The following JMJD1C variants were observed in gnomAD, a reference collection of about 807,000 sequenced individuals.
JMJD1C encodes the protein jumonji domain-containing protein 1C.
In JMJD1C, 31 loss-of-function variants were observed where a neutral mutation model predicts 245.3. The ratio of observed to expected loss-of-function variants is 0.13; its 90% CI spans 0.09 to 0.17. JMJD1C has a LOEUF of 0.17. Ranked by LOEUF, JMJD1C falls within the 10% of genes least tolerant of loss-of-function variation. The probability of loss-of-function intolerance (pLI) is 1.00; values close to 1 mark genes in which losing one functional copy is unlikely to be tolerated. For missense variants in JMJD1C, 2,691 were observed against 3,000.2 expected (o/e 0.90, Z 2.41); for synonymous variants, 1,057 against 1,017.4 (o/e 1.04, Z -0.74).
At chr10:63,377,552 T>C (rs1278892620) in intron 2 of JMJD1C, among the ~76,000 whole-genome samples, 2 of 151,886 alleles carry the variant, frequency 1.3e-5, no homozygotes, top group African/African-American at 4.8e-5. Context: ...GGCCAATATG[T>C]TGAAAAACCC....
intron 1 of JMJD1C, among the ~76,000 whole-genome samples, chr10:63,452,475 C>T (rs1952130695): frequency 6.6e-6 from 1 of 152,202 alleles, no homozygotes; most frequent in Non-Finnish European, 1.5e-5. Context: ...AATCCATCTT[C>T]ATTGCTGTTG....
At chr10:63,511,954 T>C (rs927316339) in intron 1 of JMJD1C, among the ~76,000 whole-genome samples, 1 of 152,134 alleles carries the variant, frequency 6.6e-6, no homozygotes, top group Non-Finnish European at 1.5e-5. Context: ...CTCTCAGCGG[T>C]TTCCCTGGAG....
At chr10:63,267,746 G>A in intron 2 of JMJD1C, among the ~76,000 whole-genome samples, 1 of 151,966 alleles carries the variant, frequency 6.6e-6, no homozygotes, top group South Asian at 2.1e-4. Flanking sequence ...TAGAGTGAGA[G>A]TTTTTTTTAA....
At chr10:63,178,195 C>A (rs1446371409) in intron 22 of JMJD1C, among the ~76,000 whole-genome samples, 5 of 152,260 alleles carry the variant, frequency 3.3e-5, no homozygotes, top group Non-Finnish European at 5.9e-5. Context: ...CCTGCTTGGG[C>A]CTCCCAAAGT....
chr10:63,276,539 G>C (rs935949380), intron 2 of JMJD1C, among the ~76,000 whole-genome samples: 1 of 151,642 alleles, frequency 6.6e-6, no homozygotes, highest in African/African-American at 2.4e-5. Context: ...ACAAAAATCA[G>C]CTGGACATGG....
chr10:63,290,217 A>G (rs555238384), intron 2 of JMJD1C, among the ~76,000 whole-genome samples: 1 of 152,342 alleles, frequency 6.6e-6, no homozygotes, highest in South Asian at 2.1e-4. Flanking sequence ...GGCATATATT[A>G]GACTTCTAGG....
At chr10:63,435,836 T>G (rs990823862) in intron 1 of JMJD1C, among the ~76,000 whole-genome samples, 4 of 152,190 alleles carry the variant, frequency 2.6e-5, no homozygotes, top group East Asian at 1.9e-4. Flanking sequence ...GAGGCAGAAG[T>G]TGCAGTGAGC....
intron 2 of JMJD1C, among the ~76,000 whole-genome samples, chr10:63,306,240 C>T: frequency 6.6e-6 from 1 of 152,128 alleles, no homozygotes; most frequent in East Asian, 1.9e-4. Flanking sequence ...CAGGCGCCTG[C>T]TACCACACCG....
At position 63,208,707 on chromosome 10, in the gene JMJD1C, T is replaced by C; in HGVS notation, c.2962A>G (p.Lys988Glu). Residue 988 changes from lysine (K) to glutamate (E), a missense_variant, in exon 10 of 26, where the codon AAA becomes GAA. Physicochemically the swap from Lys to Glu is moderately conservative, Grantham distance 56. Coordinates refer to ENST00000399262, the MANE Select transcript of JMJD1C (RefSeq NM_032776.3). ...AAATGCCTATGTAAGTGACAATCTT[T>C]TCCAGTCTGTGACCTATTTAGATCC... ...DLDLNRSQTGKDCHLHRHFVD... is the reference protein window; with the variant it reads ...DLDLNRSQTGEDCHLHRHFVD... 1 of 1,614,094 alleles carries C rather than the reference T, an allele frequency of 6.2e-7. No individual in the cohort carries two copies. The highest frequency in any genetic ancestry group is 2.2e-5 in the East Asian group (1 of 44,874).
intron 1 of JMJD1C, chr10:63,427,857 G>T: frequency 2.2e-6 from 2 of 901,216 alleles, no homozygotes; most frequent in Admixed American, 3.7e-5. Flanking sequence ...AAGCCAAGGA[G>T]CAGGCAAAGG....
At chr10:63,272,471 A>T (rs1856422444) in intron 2 of JMJD1C, among the ~76,000 whole-genome samples, 1 of 152,238 alleles carries the variant, frequency 6.6e-6, no homozygotes, top group South Asian at 2.1e-4. Flanking sequence ...GGCTGGTCTC[A>T]AACTCCTGAC....
chr10:63,329,933 GCT>G (rs1357440212), intron 2 of JMJD1C, among the ~76,000 whole-genome samples: 7 of 152,176 alleles, frequency 4.6e-5, no homozygotes. Flanking sequence ...ACGGAGTCTC[GCT>G]CTGTCGCCCA....
rs35090799 is a variant in JMJD1C at position 63,420,714 on chromosome 10, C to CAAA, written c.169-40235_169-40233dup. Among the ~76,000 whole-genome samples, 275 of 47,528 alleles carry CAAA rather than the reference C, an allele frequency of 5.8e-3. 5 individuals carry two copies. The highest frequency in any genetic ancestry group is 8.3e-3 in the Non-Finnish European group (203 of 24,492). The allele number at this position is 47,528 out of a possible 152,430, so 31.2% of individuals were successfully genotyped here. A position where few individuals can be genotyped will look rare whatever the true frequency, so the allele number is the denominator to read the frequency against. ...TGGGTAACAAAACGAGACCCAGTCT[C>CAAA]AAAAAAAAAAAAAAAAAAAAAGGAG... is the stretch of plus-strand genomic sequence containing the variant. On this transcript the variant is annotated intron_variant, in intron 1 of 25. Transcript: ENST00000399262.
rs938925629 is a variant in JMJD1C, at chr10:63,268,846, C to G, written c.334-4082G>C. Reference sequence around the variant, plus strand: ...AACCAAGCATTTCTGAGCTCACTTGCAGCGGCGTCATTGTATAGGAAGAAA... The same window carrying G: ...AACCAAGCATTTCTGAGCTCACTTGGAGCGGCGTCATTGTATAGGAAGAAA... On this transcript the variant is annotated intron_variant, in intron 2 of 25. Coordinates refer to ENST00000399262, the MANE Select transcript of JMJD1C (RefSeq NM_032776.3). The G allele has an allele frequency of 8.1e-6, 8 of 985,696 alleles. No individual in the cohort carries two copies. The South Asian group carries it at 3.3e-4, about 41-fold the overall frequency. 61.1% of individuals were successfully genotyped at this position (985,696 alleles called of 1,614,324 possible). A position where few individuals can be genotyped will look rare whatever the true frequency, so the allele number is the denominator to read the frequency against.
chr10:63,274,758 T>C (rs761505099), intron 2 of JMJD1C, among the ~76,000 whole-genome samples: 75 of 152,186 alleles, frequency 4.9e-4, no homozygotes, highest in Non-Finnish European at 9.9e-4. Flanking sequence ...ATTCAATCAA[T>C]AGGTATAAAA....
At chr10:63,173,395 A>G (rs1481195670) in intron 24 of JMJD1C, among the ~76,000 whole-genome samples, 1 of 152,174 alleles carries the variant, frequency 6.6e-6, no homozygotes, top group East Asian at 1.9e-4. Context: ...TACCATCCAT[A>G]AAAGAGAAAC....
At chr10:63,377,955 A>T (rs1468007997) in intron 2 of JMJD1C, among the ~76,000 whole-genome samples, 1 of 149,290 alleles carries the variant, frequency 6.7e-6, no homozygotes, top group Non-Finnish European at 1.5e-5. Flanking sequence ...AATATGTTTC[A>T]TAAGAAAATA....
chr10:63,445,298 T>G (rs1289219492), intron 1 of JMJD1C, among the ~76,000 whole-genome samples: 1 of 152,158 alleles, frequency 6.6e-6, no homozygotes, highest in Non-Finnish European at 1.5e-5. Flanking sequence ...TAGAAAATGT[T>G]GACAGAGGAG....
rs989222908 is a variant in JMJD1C at position 63,285,767 on chromosome 10, C to T, written c.334-21003G>A. ...AGGCTGCAGTGAGCTATGATCACAC[C>T]ACTGCACTCGAGACTGGGCAACACT... is the stretch of plus-strand genomic sequence containing the variant. On this transcript the variant is annotated intron_variant, in intron 2 of 25. Coordinates refer to ENST00000399262, the MANE Select transcript of JMJD1C (RefSeq NM_032776.3). Among the ~76,000 whole-genome samples, 3 of 152,134 alleles carry T rather than the reference C, an allele frequency of 2.0e-5. No homozygotes were observed. The South Asian group carries it at 6.2e-4, about 32-fold the overall frequency.
Sources: gnomAD v4.1 joint callset for allele counts (sites outside exome capture counted in the v4.1 genomes callset) on GRCh38, gnomAD v4.1.1 for gene constraint, MANE v1.5 for transcripts, NCBI Gene and HGNC (gene_info 2026-07-23, HGNC 2026-07-21) for gene names.